The following COL4A5 variants were observed in gnomAD, a reference collection of about 807,000 sequenced individuals.
COL4A5 encodes the protein collagen type IV alpha 5 chain.
A neutral mutation model predicts 130.2 loss-of-function variants in COL4A5; 26 were observed. The ratio of observed to expected loss-of-function variants is 0.20; its 90% CI spans 0.15 to 0.28. The LOEUF (loss-of-function observed/expected upper bound fraction) is 0.28. Among genes scored for constraint, COL4A5 ranks in the 10% least tolerant of loss-of-function variants. COL4A5 has a pLI of 1.00. For synonymous variants in COL4A5, 496 were observed against 439.6 expected (o/e 1.13, Z -1.60); for missense variants, 1,131 against 1,344.3 (o/e 0.84, Z 2.48).
Position 108,474,446 on chromosome X carries a change from G to A in COL4A5, c.81+34240G>A, listed in dbSNP as rs138982812. Among the ~76,000 whole-genome samples, 679 of 111,742 alleles carry A rather than the reference G, an allele frequency of 6.1e-3. 4 individuals are homozygous for A. Among genetic ancestry groups the A allele is most frequent in the South Asian group, 0.02 (53 of 2,686 alleles). ...GAAGCAATAGATTATACTATGTAGC[G>A]TAGGAATATAGTAGACTATACCATT... On this transcript the variant is annotated intron_variant, in intron 1 of 52. Transcript: ENST00000328300.
At chrX:108,586,475 A>G (rs1019670265) in intron 18 of COL4A5, 140 bp from the exon 19 acceptor site, 3 of 553,123 alleles carry the variant, frequency 5.4e-6, no homozygotes, top group Non-Finnish European at 9.0e-6. Flanking sequence ...CAGTTGGAGG[A>G]TGGGAGTGAT....
intron 1 of COL4A5, among the ~76,000 whole-genome samples, chrX:108,478,741 G>A (rs1448099670): frequency 1.8e-5 from 2 of 111,849 alleles, no homozygotes; most frequent in Non-Finnish European, 3.8e-5. Flanking sequence ...CCATGATGGT[G>A]GATAAGGCAT....
chrX:108,632,620 A>G (rs1175057243), intron 36 of COL4A5, among the ~76,000 whole-genome samples: 1 of 111,527 alleles, frequency 9.0e-6, no homozygotes, highest in East Asian at 2.8e-4. Flanking sequence ...GCAGATCAAA[A>G]AGCTTATCCA....
intron 1 of COL4A5, among the ~76,000 whole-genome samples, chrX:108,471,048 C>T (rs1292712301): frequency 1.8e-5 from 2 of 111,660 alleles, no homozygotes; most frequent in Admixed American, 9.5e-5. Context: ...GTTGCTGTAT[C>T]CTTGTAGTGT....
intron 28 of COL4A5, among the ~76,000 whole-genome samples, chrX:108,605,918 G>T (rs951976998): frequency 2.7e-5 from 3 of 111,951 alleles, no homozygotes; most frequent in African/African-American, 9.7e-5. Context: ...TACTGTGTTT[G>T]AGTTACTTTT....
chrX:108,473,633 A>ATATATTTTTTTTT lies in COL4A5; in HGVS notation c.81+33428_81+33429insATATTTTTTTTTT. Among the ~76,000 whole-genome samples the ATATATTTTTTTTT allele has an allele frequency of 3.1e-3, 108 of 34,559 alleles. 2 individuals carry two copies. Among genetic ancestry groups the ATATATTTTTTTTT allele is most frequent in the African/African-American group, 0.011 (99 of 9,270 alleles). The allele number at this position is 34,559 out of a possible 115,157, so 30.0% of individuals were successfully genotyped here. A position where few individuals can be genotyped will look rare whatever the true frequency, so the allele number is the denominator to read the frequency against. On this transcript the variant is annotated intron_variant, in intron 1 of 52. Coordinates refer to ENST00000328300, the MANE Select transcript of COL4A5 (RefSeq NM_033380.3). ...TATATGTATATATATATATATATAT[A>ATATATTTTTTTTT]TTTTTTTTTTTTTGAGATGAAGTCT...
intron 36 of COL4A5, among the ~76,000 whole-genome samples, chrX:108,630,630 C>T (rs757655921): frequency 8.9e-6 from 1 of 111,919 alleles, no homozygotes; most frequent in Admixed American, 9.5e-5. Context: ...ATGGTAGTTT[C>T]TTTTGCTGTG....
intron 2 of COL4A5, among the ~76,000 whole-genome samples, chrX:108,547,458 G>A (rs1016610650): frequency 1.8e-5 from 2 of 111,514 alleles, no homozygotes; most frequent in African/African-American, 6.5e-5. Flanking sequence ...CTGCCTGATC[G>A]TTCCTCTGGA....
At chrX:108,554,945 A>G in intron 2 of COL4A5, among the ~76,000 whole-genome samples, 1 of 112,679 alleles carries the variant, frequency 8.9e-6, no homozygotes, top group Admixed American at 9.4e-5. Flanking sequence ...TTCTATGTTA[A>G]TTATACTTCA....
chrX:108,580,867 A>G, intron 15 of COL4A5, 116 bp from the exon 16 acceptor site: 1 of 979,267 alleles, frequency 1.0e-6, no homozygotes, highest in Non-Finnish European at 1.5e-6. Flanking sequence ...GTTGATGTCT[A>G]AAAAGTCTAC....
chrX:108,462,092 T>G (rs1348671965), intron 1 of COL4A5, among the ~76,000 whole-genome samples: 1 of 111,615 alleles, frequency 9.0e-6, no homozygotes, highest in Non-Finnish European at 1.9e-5. Flanking sequence ...TCCTTAAAAA[T>G]GCAACATTAG....
intron 36 of COL4A5, among the ~76,000 whole-genome samples, chrX:108,651,544 C>T (rs748407100): frequency 1.8e-5 from 2 of 111,451 alleles, no homozygotes; most frequent in African/African-American, 3.2e-5. Flanking sequence ...ATTGTATGTG[C>T]TGTGATTACT....
intron 50 of COL4A5, 117 bp downstream of exon 50, chrX:108,693,042 C>T: frequency 1.2e-6 from 1 of 833,420 alleles, no homozygotes; most frequent in Non-Finnish European, 1.8e-6. Context: ...AACAGAGGTA[C>T]CTCTTAATAT....
At chrX:108,578,228 G>A (rs762327173) in intron 12 of COL4A5, 63 bp from the exon 13 acceptor site, 35 of 1,112,636 alleles carry the variant, frequency 3.1e-5, no homozygotes, top group Non-Finnish European at 3.5e-5. Flanking sequence ...TATCTTACAT[G>A]TTATATTACT....
chrX:108,473,332 T>A lies in COL4A5; in HGVS notation c.81+33126T>A, dbSNP rs1418453499. ...AAAGTTAACTGTAAAATAGCCTCAG[T>A]CAGGTACTTCAGAAGGTATTTGAGA... On this transcript the variant is annotated intron_variant, in intron 1 of 52. Coordinates refer to ENST00000328300, the MANE Select transcript of COL4A5 (RefSeq NM_033380.3). 7.4e-5 allele frequency among the ~76,000 whole-genome samples: 8 copies of A among 108,042 alleles called. No homozygotes were observed. The East Asian group carries it at 2.3e-3, about 31-fold the overall frequency. The allele number at this position is 108,042 out of a possible 115,157, so 93.8% of individuals were successfully genotyped here.
At chrX:108,666,016 C>T (rs763083597) in intron 38 of COL4A5, among the ~76,000 whole-genome samples, 1 of 108,853 alleles carries the variant, frequency 9.2e-6, no homozygotes, top group Admixed American at 9.7e-5. Context: ...CGTGCCACTG[C>T]ACTCCAGCCT....
intron 36 of COL4A5, among the ~76,000 whole-genome samples, chrX:108,636,134 C>T (rs1468625326): frequency 1.8e-5 from 2 of 111,410 alleles, no homozygotes; most frequent in Admixed American, 9.6e-5. Flanking sequence ...AAAAACAAAA[C>T]AAAAATCAAA....
intron 1 of COL4A5, among the ~76,000 whole-genome samples, chrX:108,521,059 A>G (rs1204816190): frequency 8.9e-6 from 1 of 111,851 alleles, no homozygotes; most frequent in Non-Finnish European, 1.9e-5. Flanking sequence ...CAGACACTTT[A>G]TATGCATAAA....
intron 25 of COL4A5, among the ~76,000 whole-genome samples, chrX:108,600,400 C>CT (rs111517017): frequency 0.1 from 11,310 of 110,172 alleles, 1,304 homozygotes; most frequent in African/African-American, 0.33. Flanking sequence ...TTTAGGAAAT[C>CT]TTTTTTTTCT....
Sources: allele counts gnomAD v4.1 joint callset (sites outside exome capture counted in the v4.1 genomes callset), GRCh38; gene constraint gnomAD v4.1.1; transcripts MANE v1.5; gene names NCBI Gene and HGNC (gene_info 2026-07-23, HGNC 2026-07-21).